Variants in CPNE4 observed in about 807,000 individuals in gnomAD.
The protein encoded by CPNE4 is copine 4.
In CPNE4, 25 loss-of-function variants were observed where a neutral mutation model predicts 67.9. The ratio of observed to expected loss-of-function variants is 0.37; its 90% CI spans 0.27 to 0.51. CPNE4 has a LOEUF of 0.51. Among genes scored for constraint, CPNE4 ranks in the 20% least tolerant of loss-of-function variants. The pLI, the probability that CPNE4 is intolerant of heterozygous loss-of-function variation, is 0.93. For missense variants in CPNE4, 464 were observed against 690.8 expected, an observed-to-expected ratio of 0.67 and a Z score of 3.68; for synonymous variants, 242 against 244.9, an observed-to-expected ratio of 0.99 and a Z score of 0.11.
chr3:131,724,392 T>A (rs2081956426), intron 2 of CPNE4, among the ~76,000 whole-genome samples: 1 of 152,172 alleles, frequency 6.6e-6, no homozygotes, highest in Non-Finnish European at 1.5e-5. Context: ...GAGCTATGAT[T>A]TCCTTTGTCT....
intron 10 of CPNE4, among the ~76,000 whole-genome samples, chr3:131,571,160 T>G (rs1368636434): frequency 6.6e-6 from 1 of 152,046 alleles, no homozygotes; most frequent in African/African-American, 2.4e-5. Context: ...TGCAAGATTG[T>G]TGCCCTTGAT....
chr3:131,690,359 A>G (rs2081007466), intron 5 of CPNE4, among the ~76,000 whole-genome samples: 2 of 152,204 alleles, frequency 1.3e-5, no homozygotes, highest in Admixed American at 1.3e-4. Context: ...CCAATGGAAC[A>G]GGATAGAGAA....
At chr3:131,948,650 C>G (rs1422062196) in intron 1 of CPNE4, among the ~76,000 whole-genome samples, 1 of 152,126 alleles carries the variant, frequency 6.6e-6, no homozygotes, top group Non-Finnish European at 1.5e-5. Flanking sequence ...ATGGGGAAAG[C>G]CTTCAATCTT....
chr3:131,977,907 C>T (rs1028676584), intron 1 of CPNE4, among the ~76,000 whole-genome samples: 5 of 150,520 alleles, frequency 3.3e-5, no homozygotes, highest in Non-Finnish European at 5.9e-5. Context: ...GCTTTGCTCC[C>T]ACATATCAGT....
chr3:131,767,077 C>T (rs567492077), intron 2 of CPNE4, among the ~76,000 whole-genome samples: 1 of 152,114 alleles, frequency 6.6e-6, no homozygotes, highest in East Asian at 1.9e-4. Context: ...AATGTTGTAT[C>T]CACAATAAAT....
chr3:131,949,336 G>C (rs1186044318), intron 1 of CPNE4, among the ~76,000 whole-genome samples: 1 of 152,174 alleles, frequency 6.6e-6, no homozygotes, highest in Non-Finnish European at 1.5e-5. Context: ...ATTCATATCA[G>C]ATATGATGTT....
chr3:131,757,827 A>G (rs2082788777), intron 2 of CPNE4, among the ~76,000 whole-genome samples: 1 of 151,674 alleles, frequency 6.6e-6, no homozygotes, highest in Non-Finnish European at 1.5e-5. Context: ...TGTCCCAACC[A>G]CTCTAGCCAT....
At chr3:131,606,216 C>A (rs955037918) in intron 7 of CPNE4, among the ~76,000 whole-genome samples, 3 of 152,218 alleles carry the variant, frequency 2.0e-5, no homozygotes, top group African/African-American at 7.2e-5. Flanking sequence ...AGTCTTGGCA[C>A]AGCCAGGAAA....
At chr3:131,818,330 G>A (rs1293752303) in intron 2 of CPNE4, among the ~76,000 whole-genome samples, 1 of 152,174 alleles carries the variant, frequency 6.6e-6, no homozygotes, top group Non-Finnish European at 1.5e-5. Context: ...ATGCAGCAGA[G>A]ACATCCAGTG....
chr3:131,868,265 G>A (rs1358627194), intron 2 of CPNE4, among the ~76,000 whole-genome samples: 1 of 152,156 alleles, frequency 6.6e-6, no homozygotes, highest in Non-Finnish European at 1.5e-5. Context: ...ACAGTTAGGC[G>A]TGACACCTCT....
chr3:131,739,218 C>A (rs573842669), intron 2 of CPNE4, among the ~76,000 whole-genome samples: 1 of 152,286 alleles, frequency 6.6e-6, no homozygotes, highest in African/African-American at 2.4e-5. Flanking sequence ...CTGCCTTTAA[C>A]CATCTTTTTT....
intron 1 of CPNE4, among the ~76,000 whole-genome samples, chr3:131,971,122 G>A (rs79566677): frequency 5.3e-4 from 81 of 152,304 alleles, no homozygotes; most frequent in Admixed American, 1.2e-3. Flanking sequence ...CATGTCTGAC[G>A]CCGTGGGGAC....
In CPNE4 at chr3:131,701,592, T is replaced by C. The variant is rs531691028; in HGVS notation, c.361-1612A>G. 3.9e-5 allele frequency among the ~76,000 whole-genome samples: 6 copies of C among 152,300 alleles called. No individual in the cohort carries two copies. In the East Asian group the frequency reaches 1.2e-3, roughly 30 times the overall value. On this transcript the variant is annotated intron_variant, in intron 3 of 15. Coordinates refer to ENST00000429747, the MANE Select transcript of CPNE4 (RefSeq NM_130808.3). ...AGGAAGCTAGCTGACAGATTGTGAG[T>C]AGTCCTATAGACAGACCATGTGGCA... is the stretch of plus-strand genomic sequence containing the variant.
At chr3:131,706,893 C>G (rs1262592856) in intron 3 of CPNE4, among the ~76,000 whole-genome samples, 1 of 152,168 alleles carries the variant, frequency 6.6e-6, no homozygotes, top group East Asian at 1.9e-4. Flanking sequence ...CAATGCCCCC[C>G]ACCCCACTTC....
At chr3:131,874,825 G>A (rs1162329958) in intron 2 of CPNE4, among the ~76,000 whole-genome samples, 1 of 152,056 alleles carries the variant, frequency 6.6e-6, no homozygotes, top group Non-Finnish European at 1.5e-5. Context: ...AAAAACTGTG[G>A]CTTAAAGTCA....
intron 2 of CPNE4, among the ~76,000 whole-genome samples, chr3:131,810,281 T>C (rs2084472566): frequency 6.6e-6 from 1 of 152,026 alleles, no homozygotes; most frequent in African/African-American, 2.4e-5. Context: ...AATGGGAGAA[T>C]ATTTTTGTCT....
chr3:131,741,181 T>A (rs1321664347), intron 2 of CPNE4, among the ~76,000 whole-genome samples: 1 of 152,218 alleles, frequency 6.6e-6, no homozygotes, highest in Non-Finnish European at 1.5e-5. Flanking sequence ...ACTGTTTGTT[T>A]ATCCCGGCAT....
chr3:131,551,963 G>A (rs1936200019), intron 13 of CPNE4, among the ~76,000 whole-genome samples: 1 of 150,674 alleles, frequency 6.6e-6, no homozygotes, highest in Admixed American at 6.7e-5. Flanking sequence ...GATGCTGCTT[G>A]TTCAAACTCG....
At chr3:131,617,237 TAACCAAC>T (rs1317423881) in intron 7 of CPNE4, among the ~76,000 whole-genome samples, 1 of 152,238 alleles carries the variant, frequency 6.6e-6, no homozygotes, top group African/African-American at 2.4e-5. Flanking sequence ...GGAGATTACT[TAACCAAC>T]ACCACACAAT....
Sources: gnomAD v4.1 joint callset for allele counts (sites outside exome capture counted in the v4.1 genomes callset) on GRCh38, gnomAD v4.1.1 for gene constraint, MANE v1.5 for transcripts, NCBI Gene and HGNC (gene_info 2026-07-23, HGNC 2026-07-21) for gene names.